Variants in TENT4B observed in about 807,000 individuals in gnomAD.
The protein encoded by TENT4B is terminal nucleotidyltransferase 4B, also known as PAP associated domain containing 5.
A neutral mutation model predicts 75.0 loss-of-function variants in TENT4B; 10 were observed. The ratio of observed to expected loss-of-function variants is 0.13; its 90% CI spans 0.08 to 0.23. The LOEUF (loss-of-function observed/expected upper bound fraction) is 0.23, where lower values mean the gene tolerates loss of function less well. TENT4B is among the 10% of genes least tolerant of loss of function. The probability of loss-of-function intolerance (pLI) is 1.00; values close to 1 mark genes in which losing one functional copy is unlikely to be tolerated. For missense variants in TENT4B, 579 were observed against 893.8 expected (o/e 0.65, Z 4.49); for synonymous variants, 350 against 357.7 (o/e 0.98, Z 0.24).
In TENT4B at chr16:50,197,858, G is replaced by C. The variant is rs2030375093; in HGVS notation, c.639-13465G>C. 2.6e-5 allele frequency among the ~76,000 whole-genome samples: 4 copies of C among 152,156 alleles called. No homozygotes were observed. In the South Asian group the frequency reaches 8.3e-4, roughly 32 times the overall value. On this transcript the variant is annotated intron_variant, in intron 1 of 11. Coordinates refer to ENST00000561678, the MANE Select transcript of TENT4B (RefSeq NM_001365324.3). ...TTGGCACAAGAGCAGGTTATAGTCTGTTTACATCTCCATTTTGGTTATAGT... is the reference window on the plus strand; with the variant it reads ...TTGGCACAAGAGCAGGTTATAGTCTCTTTACATCTCCATTTTGGTTATAGT...
At chr16:50,217,100 T>A (rs189546878) in intron 4 of TENT4B, among the ~76,000 whole-genome samples, 19 of 152,306 alleles carry the variant, frequency 1.2e-4, no homozygotes, top group African/African-American at 4.1e-4. Context: ...TTCTTCATCT[T>A]ATACTCAGAA....
intron 1 of TENT4B, among the ~76,000 whole-genome samples, chr16:50,195,292 C>G (rs933973332): frequency 6.6e-6 from 1 of 152,162 alleles, no homozygotes; most frequent in Admixed American, 6.5e-5. Context: ...CCCTCCAAAG[C>G]ACAGCTAAGG....
chr16:50,205,096 A>G (rs1213455280), intron 1 of TENT4B, among the ~76,000 whole-genome samples: 1 of 152,206 alleles, frequency 6.6e-6, no homozygotes, highest in Non-Finnish European at 1.5e-5. Flanking sequence ...TTGTTTTAAA[A>G]ATATACAGTG....
chr16:50,230,594 C>T lies in TENT4B; in HGVS notation c.*1266C>T. ...TTGATAATGGATCTATTTTGTATTG[C>T]CTTATTAAGACCAAATACTTCTTGT... On this transcript the variant is annotated 3_prime_UTR_variant, in exon 12 of 12. Transcript: ENST00000561678. 1 of 979,180 alleles carries T rather than the reference C, an allele frequency of 1.0e-6. No homozygotes were observed. The highest frequency in any genetic ancestry group is 4.7e-5 in the South Asian group (1 of 21,144). 60.7% of individuals were successfully genotyped at this position (979,180 alleles called of 1,614,324 possible).
rs1320399167 is a variant in TENT4B, at chr16:50,231,771, G to A, written c.*2443G>A. On this transcript the variant is annotated 3_prime_UTR_variant, in exon 12 of 12. Coordinates refer to ENST00000561678, the MANE Select transcript of TENT4B (RefSeq NM_001365324.3). Reference sequence around the variant, plus strand: ...ATTCGTGAATACTGTGTATCTTGCAGTGAACAGTGTGGAAGCTGTTCATTT... The same window carrying A: ...ATTCGTGAATACTGTGTATCTTGCAATGAACAGTGTGGAAGCTGTTCATTT... 15 of 985,784 alleles carry A rather than the reference G, an allele frequency of 1.5e-5. No homozygotes were observed. The highest frequency in any genetic ancestry group is 1.8e-5 in the Non-Finnish European group (15 of 829,848). 61.1% of individuals were successfully genotyped at this position (985,784 alleles called of 1,614,324 possible).
chr16:50,224,458 G>A (rs2031958524), intron 7 of TENT4B, among the ~76,000 whole-genome samples, 199 bp from the exon 8 acceptor site: 1 of 152,118 alleles, frequency 6.6e-6, no homozygotes, highest in African/African-American at 2.4e-5. Context: ...TCCGGCAACT[G>A]ATACACCATA....
At position 50,233,313 on chromosome 16, in the gene TENT4B, A is replaced by G. The variant is rs2032350752; in HGVS notation, c.*3985A>G. The G allele has an allele frequency of 8.1e-6, 8 of 985,328 alleles. No individual in the cohort carries two copies. The highest frequency in any genetic ancestry group is 9.6e-6 in the Non-Finnish European group (8 of 829,936). The allele number at this position is 985,328 out of a possible 1,614,324, so 61.0% of individuals were successfully genotyped here. On this transcript the variant is annotated 3_prime_UTR_variant, in exon 12 of 12. Coordinates refer to ENST00000561678, the MANE Select transcript of TENT4B (RefSeq NM_001365324.3). The stretch of plus-strand genomic sequence containing the variant: ...GACTCTAGCTACCTGCCATCTTGTC[A>G]AAACATTTGTGGGTAGAATAAGTGT...
At chr16:50,184,409 C>T (rs543424877) in intron 1 of TENT4B, among the ~76,000 whole-genome samples, 23 of 152,320 alleles carry the variant, frequency 1.5e-4, no homozygotes, top group African/African-American at 5.3e-4. Context: ...TGGCTCACGC[C>T]TGTAATCCCA....
rs2037829952 is a variant in TENT4B at position 50,153,867 on chromosome 16, C to T, written c.246C>T (p.Gly82=). The T allele has an allele frequency of 1.3e-6, 2 of 1,486,008 alleles. No individual in the cohort carries two copies. The highest frequency in any genetic ancestry group is 2.8e-5 in the East Asian group (1 of 35,162). 92.1% of individuals were successfully genotyped at this position (1,486,008 alleles called of 1,614,324 possible). The change falls in exon 1 of 12, where the codon GGC becomes GGT. Residue 82 remains glycine, a synonymous_variant. Transcript: ENST00000561678. ...CGGCCCCGGCCCCGGCCCCGGCCGG[C>T]ATGTATCGCTCCGGGGAGCGCCTGC... ...AASAPAPAPA[G]MYRSGERLLG...
At position 50,154,663 on chromosome 16, in the gene TENT4B, C is replaced by T. The variant is rs979443791; in HGVS notation, c.638+404C>T. Among the ~76,000 whole-genome samples, 3 of 152,014 alleles carry T rather than the reference C, an allele frequency of 2.0e-5. No individual in the cohort carries two copies. The South Asian group carries it at 6.2e-4, about 32-fold the overall frequency. On this transcript the variant is annotated intron_variant, in intron 1 of 11. Transcript: ENST00000561678. ...CACAACTCAAGATGAGACCGCTTAGCACGGGCCTATCATTCATTCCCTGAG... is the reference window on the plus strand; with the variant it reads ...CACAACTCAAGATGAGACCGCTTAGTACGGGCCTATCATTCATTCCCTGAG...
At chr16:50,194,146 A>T (rs1439332836) in intron 1 of TENT4B, among the ~76,000 whole-genome samples, 2 of 147,616 alleles carry the variant, frequency 1.4e-5, no homozygotes, top group African/African-American at 5.0e-5. Flanking sequence ...ATTTTCATAA[A>T]TTTTTTTCTC....
intron 1 of TENT4B, among the ~76,000 whole-genome samples, chr16:50,165,114 A>G (rs2038074432): frequency 6.6e-6 from 1 of 151,408 alleles, no homozygotes; most frequent in Non-Finnish European, 1.5e-5. Flanking sequence ...ATATATTTCT[A>G]TACCATTTTT....
chr16:50,191,413 T>C (rs2038636240), intron 1 of TENT4B, among the ~76,000 whole-genome samples: 1 of 152,208 alleles, frequency 6.6e-6, no homozygotes, highest in Admixed American at 6.5e-5. Context: ...TGGCTACTTT[T>C]AAAGTATGTT....
At chr16:50,222,899 C>T (rs1218263809) in intron 6 of TENT4B, among the ~76,000 whole-genome samples, 4 of 152,154 alleles carry the variant, frequency 2.6e-5, no homozygotes, top group African/African-American at 9.7e-5. Flanking sequence ...GTCAGAACGA[C>T]TTTGCTGATG....
intron 5 of TENT4B, 21 bp downstream of exon 5, chr16:50,217,684 T>C: frequency 1.5e-6 from 2 of 1,353,592 alleles, no homozygotes; most frequent in Non-Finnish European, 2.0e-6. Flanking sequence ...TTAGCGTTTA[T>C]ACAACAAAAC....
In TENT4B at chr16:50,153,757, A is replaced by AGCG. The variant is rs750459145; in HGVS notation, c.148_150dup (p.Gly50dup). ...CCACTGTCACAGCAGCGGCGGCGCG[A>AGCG]GCGGCGGCGGCGGCAGCAGCAGCAG... is the stretch of plus-strand genomic sequence containing the variant. On this transcript the variant is annotated inframe_insertion, in exon 1 of 12. Coordinates refer to ENST00000561678, the MANE Select transcript of TENT4B (RefSeq NM_001365324.3). The AGCG allele has an allele frequency of 3.2e-5, 34 of 1,068,222 alleles. No homozygotes were observed. The highest frequency in any genetic ancestry group is 1.0e-4 in the Admixed American group (2 of 19,544). 66.2% of individuals were successfully genotyped at this position (1,068,222 alleles called of 1,614,324 possible). A position where few individuals can be genotyped will look rare whatever the true frequency, so the allele number is the denominator to read the frequency against.
At position 50,230,493 on chromosome 16, in the gene TENT4B, A is replaced by G; in HGVS notation, c.*1165A>G. On this transcript the variant is annotated 3_prime_UTR_variant, in exon 12 of 12. Transcript: ENST00000561678. The stretch of plus-strand genomic sequence containing the variant: ...AACTGTAAACAGCTTTAATTAAATC[A>G]TACTTATAAAAAACTATTTTCTTAT... 1 of 981,084 alleles carries G rather than the reference A, an allele frequency of 1.0e-6. No homozygotes were observed. Among genetic ancestry groups the G allele is most frequent in the Non-Finnish European group, 1.2e-6 (1 of 825,618 alleles). The allele number at this position is 981,084 out of a possible 1,614,324, so 60.8% of individuals were successfully genotyped here.
Position 50,234,211 on chromosome 16 carries a change from T to G in TENT4B, c.*4883T>G. ...GCTCACGCCTGTAATCCCAGCACTT[T>G]GGGAGGCCGAAGCGGGAGGATGGCT... is the stretch of plus-strand genomic sequence containing the variant. On this transcript the variant is annotated 3_prime_UTR_variant, in exon 12 of 12. Coordinates refer to ENST00000561678, the MANE Select transcript of TENT4B (RefSeq NM_001365324.3). 1.0e-6 allele frequency: 1 copy of G among 985,610 alleles called. No homozygotes were observed. Among genetic ancestry groups the G allele is most frequent in the Non-Finnish European group, 1.2e-6 (1 of 830,090 alleles). The allele number at this position is 985,610 out of a possible 1,614,324, so 61.1% of individuals were successfully genotyped here. A position where few individuals can be genotyped will look rare whatever the true frequency, so the allele number is the denominator to read the frequency against.
chr16:50,205,443 G>A (rs2030897766), intron 1 of TENT4B, among the ~76,000 whole-genome samples: 2 of 151,970 alleles, frequency 1.3e-5, no homozygotes, highest in South Asian at 4.2e-4. Context: ...GCCCTCCACT[G>A]GGCAAAAGTC....
Sources: allele counts gnomAD v4.1 joint callset (sites outside exome capture counted in the v4.1 genomes callset), GRCh38; gene constraint gnomAD v4.1.1; transcripts MANE v1.5; gene names NCBI Gene and HGNC (gene_info 2026-07-23, HGNC 2026-07-21).